Variants in CRYBA4 observed in about 807,000 individuals in gnomAD.
CRYBA4 encodes crystallin beta A4, also known as beta-crystallin A4.
A neutral mutation model predicts 31.7 loss-of-function variants in CRYBA4; 30 were observed. The ratio of observed to expected loss-of-function variants is 0.95; its 90% CI spans 0.71 to 1.28. CRYBA4 has a LOEUF of 1.28. CRYBA4 is among the 50% of genes most tolerant of loss of function. The pLI is 0.00. For missense variants in CRYBA4, 225 were observed against 260.7 expected, an observed-to-expected ratio of 0.86 and a Z score of 0.94; for synonymous variants, 102 against 102.3, an observed-to-expected ratio of 1.00 and a Z score of 0.02.
chr22:26,601,424 C>T, the CRYBA4 span, among the ~76,000 whole-genome samples: 2 of 152,024 alleles, frequency 1.3e-5, no homozygotes, highest in Non-Finnish European at 2.9e-5. Context: ...TTTAGGCTCA[C>T]TCGAGTTCCT....
In CRYBA4 at chr22:26,630,471, G is replaced by A. The variant is rs758790937; in HGVS notation, c.575G>A (p.Arg192His). The A allele has an allele frequency of 3.4e-5, 55 of 1,613,538 alleles. No homozygotes were observed. The highest frequency in any genetic ancestry group is 5.5e-5 in the South Asian group (5 of 91,022). ...CCGACCTTCCAGGTGCAGAGCATCCGCAGGATCCAGCAGTGAACAGGGGTG... is the reference window on the plus strand; with the variant it reads ...CCGACCTTCCAGGTGCAGAGCATCCACAGGATCCAGCAGTGAACAGGGGTG... ...HAPTFQVQSIRRIQQ is the reference protein window; with the variant it reads ...HAPTFQVQSIHRIQQ Residue 192 changes from arginine to histidine, a missense_variant, in exon 6 of 6, where the codon CGC (arginine) becomes CAC (histidine). By Grantham distance (29) the Arg-to-His change is conservative. Transcript: ENST00000354760.
the CRYBA4 span, among the ~76,000 whole-genome samples, chr22:26,616,515 T>TG: frequency 1.3e-5 from 2 of 152,216 alleles, no homozygotes; most frequent in African/African-American, 4.8e-5. Flanking sequence ...CCTTCCCGTC[T>TG]GGGGGCCACT....
At chr22:26,602,136 G>T in the CRYBA4 span, 1 of 1,359,754 alleles carries the variant, frequency 7.4e-7, no homozygotes, top group South Asian at 1.2e-5. Context: ...AGGCTGCTGG[G>T]GGACTCTCCA....
the CRYBA4 span, among the ~76,000 whole-genome samples, chr22:26,597,754 A>G: frequency 6.6e-6 from 1 of 152,252 alleles, no homozygotes; most frequent in Non-Finnish European, 1.5e-5. Flanking sequence ...CCCCAGCTCC[A>G]GGATTGAGTA....
upstream of CRYBA4, chr22:26,618,115 G>A (rs1166171977): frequency 6.5e-6 from 1 of 153,488 alleles, no homozygotes; most frequent in Non-Finnish European, 1.5e-5. Flanking sequence ...TGGCTCAGCA[G>A]GCCTGGGCAG....
At chr22:26,624,633 C>A (rs143809802) in intron 3 of CRYBA4, among the ~76,000 whole-genome samples, 1 of 152,268 alleles carries the variant, frequency 6.6e-6, no homozygotes, top group Non-Finnish European at 1.5e-5. Context: ...GGAACAGAGG[C>A]TTTCTAGGGG....
intron 2 of CRYBA4, 32 bp downstream of exon 2, chr22:26,622,667 G>T: frequency 6.5e-7 from 1 of 1,531,652 alleles, no homozygotes; most frequent in Non-Finnish European, 9.0e-7. Context: ...GGGTGTTCAG[G>T]GGGTATGGGG....
the CRYBA4 span, chr22:26,601,958 T>A: frequency 6.2e-7 from 1 of 1,613,610 alleles, no homozygotes; most frequent in Non-Finnish European, 8.5e-7. Flanking sequence ...TCCCCCTGGA[T>A]CTCTATGGTG....
At chr22:26,613,217 T>C in the CRYBA4 span, among the ~76,000 whole-genome samples, 1 of 152,268 alleles carries the variant, frequency 6.6e-6, no homozygotes, top group African/African-American at 2.4e-5. Context: ...GTCCACTTGC[T>C]GTTCCAAGTT....
At chr22:26,616,198 G>T in the CRYBA4 span, 1 of 1,614,200 alleles carries the variant, frequency 6.2e-7, no homozygotes, top group South Asian at 1.1e-5. Flanking sequence ...CACGGTTGTT[G>T]GGGCCAGGGT....
At chr22:26,620,907 G>C (rs912136090), upstream of CRYBA4, among the ~76,000 whole-genome samples, 6 of 152,152 alleles carry the variant, frequency 3.9e-5, no homozygotes, top group Non-Finnish European at 8.8e-5. Flanking sequence ...CTCTTAAAAG[G>C]AAACTGGTGT....
chr22:26,606,160 C>T, the CRYBA4 span, among the ~76,000 whole-genome samples: 1 of 152,172 alleles, frequency 6.6e-6, no homozygotes, highest in Non-Finnish European at 1.5e-5. Flanking sequence ...GCCCTGGCTG[C>T]ACAGACGGAC....
the CRYBA4 span, among the ~76,000 whole-genome samples, chr22:26,593,855 A>C: frequency 6.6e-6 from 1 of 152,158 alleles, no homozygotes; most frequent in African/African-American, 2.4e-5. Flanking sequence ...GGTGCTTGCT[A>C]TGTGCTAAAC....
chr22:26,605,671 C>CAAA, the CRYBA4 span, among the ~76,000 whole-genome samples: 10 of 54,136 alleles, frequency 1.8e-4, 1 homozygote, highest in Middle Eastern at 0.027. Context: ...AGATGTGTCT[C>CAAA]AAAAAAAAAA....
At chr22:26,604,037 C>T in the CRYBA4 span, among the ~76,000 whole-genome samples, 4 of 152,300 alleles carry the variant, frequency 2.6e-5, no homozygotes, top group South Asian at 4.1e-4. Flanking sequence ...TTTTAAAGTT[C>T]GTCTGTTATT....
At chr22:26,614,338 C>A in the CRYBA4 span, among the ~76,000 whole-genome samples, 9 of 152,154 alleles carry the variant, frequency 5.9e-5, 1 homozygote, top group Admixed American at 3.9e-4. Flanking sequence ...TGTGATGTCT[C>A]CCCCGGACGC....
At chr22:26,627,359 C>CCTTT (rs1245733367) in intron 4 of CRYBA4, among the ~76,000 whole-genome samples, 840 of 41,740 alleles carry the variant, frequency 0.02, 35 homozygotes, top group Non-Finnish European at 0.027. Context: ...CTCCCTCCCT[C>CCTTT]CTTTCTTTCT....
chr22:26,598,484 A>G, the CRYBA4 span, among the ~76,000 whole-genome samples: 1 of 152,180 alleles, frequency 6.6e-6, no homozygotes, highest in East Asian at 1.9e-4. Context: ...TAAAGCCTCA[A>G]GTGATCCTGC....
chr22:26,627,357 CTCCT>C (rs1569211554), intron 4 of CRYBA4, among the ~76,000 whole-genome samples: 13 of 32,806 alleles, frequency 4.0e-4, no homozygotes, highest in African/African-American at 2.7e-3. Context: ...CCCTCCCTCC[CTCCT>C]TTCTTTCTTT....
Sources: gnomAD v4.1 joint callset for allele counts (sites outside exome capture counted in the v4.1 genomes callset) on GRCh38, gnomAD v4.1.1 for gene constraint, MANE v1.5 for transcripts, NCBI Gene and HGNC (gene_info 2026-07-23, HGNC 2026-07-21) for gene names.